The following EAPP variants were observed in gnomAD, a reference collection of about 807,000 sequenced individuals.
The protein encoded by EAPP is E2F associated phosphoprotein, also known as E2F-associated phosphoprotein.
Under a neutral mutation model 34.3 loss-of-function variants are expected in EAPP, and 38 were observed. The ratio of observed to expected loss-of-function variants is 1.11; its 90% CI spans 0.85 to 1.45. The LOEUF is 1.45. Among genes scored for constraint, EAPP ranks in the 40% most tolerant of loss-of-function variants. The pLI, the probability that EAPP is intolerant of heterozygous loss-of-function variation, is 0.00. For synonymous variants in EAPP, 113 were observed against 117.6 expected (o/e 0.96, Z 0.25); for missense variants, 338 against 343.7 (o/e 0.98, Z 0.13).
chr14:34,532,557 G>T (rs540415813), intron 3 of EAPP, among the ~76,000 whole-genome samples: 1 of 152,134 alleles, frequency 6.6e-6, no homozygotes. Context: ...AAAGGAAGAG[G>T]GGGGAAAAGC....
chr14:34,524,486 G>C (rs1880027097), intron 5 of EAPP, among the ~76,000 whole-genome samples: 1 of 151,824 alleles, frequency 6.6e-6, no homozygotes, highest in Admixed American at 6.6e-5. Context: ...CATGGTGGTG[G>C]CCGCTTGTAA....
intron 5 of EAPP, among the ~76,000 whole-genome samples, chr14:34,521,739 A>G (rs1002945401): frequency 3.3e-5 from 5 of 149,426 alleles, no homozygotes; most frequent in Non-Finnish European, 7.4e-5. Context: ...GGTTCAAGCG[A>G]TTCTCCTGCC....
chr14:34,536,330 T>C, intron 1 of EAPP, 55 bp from the exon 2 acceptor site: 1 of 1,383,064 alleles, frequency 7.2e-7, no homozygotes, highest in Non-Finnish European at 9.7e-7. Flanking sequence ...AAAATAATTT[T>C]AAACTCCCAG....
chr14:34,532,657 C>A (rs10130945), intron 3 of EAPP, among the ~76,000 whole-genome samples: 3,661 of 151,326 alleles, frequency 0.024, 163 homozygotes, highest in African/African-American at 0.085. Context: ...CATGTCCTCA[C>A]ATGCCTGTGT....
In EAPP at chr14:34,529,459, T is replaced by C. The variant is rs1880208076; in HGVS notation, c.369A>G (p.Lys123=). ...GAATCTTGTGTTGTTTCTTCTTTTT[T>C]TTCTTGGTCACCTGTACTAATTTTG... The part of the protein sequence containing the change: ...DEDRAVQVTK[K]KKKKQHKIPT... The change falls in exon 4 of 6, where the codon AAA becomes AAG. Residue 123 remains lysine, a synonymous_variant. Coordinates refer to ENST00000250454, the MANE Select transcript of EAPP (RefSeq NM_018453.4). The C allele has an allele frequency of 6.2e-7, 1 of 1,611,266 alleles. No homozygotes were observed. The highest frequency in any genetic ancestry group is 8.5e-7 in the Non-Finnish European group (1 of 1,179,068).
At chr14:34,528,714 C>T (rs992923113) in intron 4 of EAPP, among the ~76,000 whole-genome samples, 1 of 151,740 alleles carries the variant, frequency 6.6e-6, no homozygotes, top group Non-Finnish European at 1.5e-5. Context: ...AGCCACCACC[C>T]TGGCCCATCC....
At chr14:34,516,940 C>CT (rs11432394) in intron 5 of EAPP, among the ~76,000 whole-genome samples, 109,759 of 139,824 alleles carry the variant, frequency 0.78, 43,190 homozygotes, top group South Asian at 0.83. Flanking sequence ...TTGAAAGTAA[C>CT]TTTTTTTTTT....
chr14:34,539,551 C>T lies in EAPP; in HGVS notation c.74+4G>A, dbSNP rs1451581435. On this transcript the variant is annotated splice_donor_region_variant and intron_variant, in intron 1 of 5. Transcript: ENST00000250454. Reference sequence around the variant, plus strand: ...TCGGGGGCCAGGGTGGGGCGGGAGCCCACCTGCTCAAAGCCGGCTCCTCGT... The same window carrying T: ...TCGGGGGCCAGGGTGGGGCGGGAGCTCACCTGCTCAAAGCCGGCTCCTCGT... 6.2e-7 allele frequency: 1 copy of T among 1,605,672 alleles called. No homozygotes were observed. Among genetic ancestry groups the T allele is most frequent in the African/African-American group, 1.3e-5 (1 of 75,022 alleles).
intron 4 of EAPP, among the ~76,000 whole-genome samples, chr14:34,526,298 G>A (rs1001481998): frequency 3.2e-4 from 49 of 151,366 alleles, no homozygotes; most frequent in African/African-American, 1.1e-3. Context: ...GCATGGTGGC[G>A]GGTACCTATA....
intron 2 of EAPP, among the ~76,000 whole-genome samples, chr14:34,534,836 A>G (rs1880413194): frequency 1.0e-5 from 1 of 98,484 alleles, no homozygotes; most frequent in South Asian, 4.3e-4. Flanking sequence ...CCCTGTCTCC[A>G]CAAATTTTTT....
intron 4 of EAPP, 69 bp downstream of exon 4, chr14:34,529,289 T>G: frequency 8.5e-7 from 1 of 1,171,834 alleles, no homozygotes; most frequent in South Asian, 1.3e-5. Context: ...ATTCAAAATG[T>G]GAATGTAGTA....
chr14:34,527,688 G>T (rs1260627890), intron 4 of EAPP, among the ~76,000 whole-genome samples: 1 of 152,152 alleles, frequency 6.6e-6, no homozygotes, highest in Non-Finnish European at 1.5e-5. Context: ...ACTATGCCCA[G>T]TGAAAGAAGC....
chr14:34,530,879 C>A (rs1594667098), intron 3 of EAPP, among the ~76,000 whole-genome samples: 1 of 40,210 alleles, frequency 2.5e-5, no homozygotes, highest in South Asian at 7.5e-4. Context: ...CCAGCCTAAG[C>A]AACAAAGCAA....
chr14:34,531,502 T>G (rs1429559702), intron 3 of EAPP, among the ~76,000 whole-genome samples: 1 of 151,810 alleles, frequency 6.6e-6, no homozygotes, highest in Non-Finnish European at 1.5e-5. Context: ...CTCAGCAGGC[T>G]GAGGCAGGAG....
intron 3 of EAPP, among the ~76,000 whole-genome samples, chr14:34,531,180 C>T (rs1178518185): frequency 2.0e-5 from 3 of 152,116 alleles, no homozygotes; most frequent in African/African-American, 7.2e-5. Context: ...TAGCTTGTGC[C>T]TGTAGTCCCA....
chr14:34,526,017 C>T (rs1880083295), intron 4 of EAPP, among the ~76,000 whole-genome samples: 2 of 148,842 alleles, frequency 1.3e-5, no homozygotes, highest in African/African-American at 5.0e-5. Flanking sequence ...GAGACTCTGT[C>T]TCCAAAAAAA....
intron 1 of EAPP, among the ~76,000 whole-genome samples, chr14:34,537,619 G>T (rs1880519458): frequency 6.6e-6 from 1 of 152,308 alleles, no homozygotes; most frequent in South Asian, 2.1e-4. Flanking sequence ...CTCCTTCCAG[G>T]ACAAAGAGCA....
At chr14:34,536,721 T>C (rs948750254) in intron 1 of EAPP, among the ~76,000 whole-genome samples, 17 of 152,228 alleles carry the variant, frequency 1.1e-4, no homozygotes, top group Middle Eastern at 3.4e-3. Context: ...TTTGTTTGTT[T>C]GTTTCTTTTG....
At chr14:34,539,436 G>T in intron 1 of EAPP, 119 bp downstream of exon 1, 3 of 1,128,100 alleles carry the variant, frequency 2.7e-6, no homozygotes, top group African/African-American at 1.5e-5. Context: ...CAAGTAACAG[G>T]CACGACAGGC....
Sources: allele counts gnomAD v4.1 joint callset (sites outside exome capture counted in the v4.1 genomes callset), GRCh38; gene constraint gnomAD v4.1.1; transcripts MANE v1.5; gene names NCBI Gene and HGNC (gene_info 2026-07-23, HGNC 2026-07-21).